The following RP1 variants were observed in gnomAD, a reference collection of about 807,000 sequenced individuals.
The protein encoded by RP1 is RP1 axonemal microtubule associated.
A neutral mutation model predicts 14.8 loss-of-function variants in RP1; 16 were observed. The ratio of observed to expected loss-of-function variants is 1.08; its 90% CI spans 0.73 to 1.65. RP1 has a LOEUF of 1.65. Among genes scored for constraint, RP1 ranks in the 40% most tolerant of loss-of-function variants. RP1 has a pLI of 0.00. For synonymous variants in RP1, 876 were observed against 883.6 expected (o/e 0.99, Z 0.15); for missense variants, 2,631 against 2,535.0 (o/e 1.04, Z -0.81).
chr8:54,710,038 G>C (rs1431157249), intron 15 of RP1, among the ~76,000 whole-genome samples: 1 of 152,154 alleles, frequency 6.6e-6, no homozygotes, highest in East Asian at 1.9e-4. Flanking sequence ...CTGGGATCCA[G>C]GCCCTGACGC....
chr8:54,823,293 T>G (rs1811303531), intron 24 of RP1, among the ~76,000 whole-genome samples: 1 of 152,200 alleles, frequency 6.6e-6, no homozygotes, highest in South Asian at 2.1e-4. Flanking sequence ...ATTGGAATCA[T>G]GTAGCATGTG....
chr8:54,687,538 C>T (rs988855456), intron 12 of RP1, among the ~76,000 whole-genome samples: 1 of 152,114 alleles, frequency 6.6e-6, no homozygotes, highest in African/African-American at 2.4e-5. Flanking sequence ...TCGACTCCCA[C>T]TTATGAGTGA....
intron 7 of RP1, among the ~76,000 whole-genome samples, chr8:54,664,425 G>A (rs779707945): frequency 6.6e-5 from 10 of 152,268 alleles, no homozygotes; most frequent in Admixed American, 3.9e-4. Flanking sequence ...AAGTGGGATT[G>A]AGGGATCATA....
At chr8:54,803,483 C>T (rs1445695067) in intron 24 of RP1, among the ~76,000 whole-genome samples, 7 of 152,026 alleles carry the variant, frequency 4.6e-5, no homozygotes, top group South Asian at 2.1e-4. Flanking sequence ...CTAAGAAAAC[C>T]GAGGGTCCAG....
chr8:54,604,102 C>A (rs1277890090), intron 1 of RP1, among the ~76,000 whole-genome samples: 1 of 152,148 alleles, frequency 6.6e-6, no homozygotes, highest in Non-Finnish European at 1.5e-5. Context: ...GAGAGGGCAT[C>A]CCTGTCTTGT....
At chr8:54,803,892 AC>A (rs1241489144) in intron 24 of RP1, among the ~76,000 whole-genome samples, 2 of 151,896 alleles carry the variant, frequency 1.3e-5, no homozygotes, top group Admixed American at 6.6e-5. Flanking sequence ...ACATGGTGAA[AC>A]CCCGTCTCTA....
intron 24 of RP1, among the ~76,000 whole-genome samples, chr8:54,806,855 A>G (rs1810864701): frequency 6.6e-6 from 1 of 152,214 alleles, no homozygotes; most frequent in South Asian, 2.1e-4. Context: ...CTGAGATAAT[A>G]CCATTGTTAA....
intron 24 of RP1, among the ~76,000 whole-genome samples, chr8:54,812,533 A>G (rs1811023677): frequency 6.6e-6 from 1 of 152,232 alleles, no homozygotes; most frequent in South Asian, 2.1e-4. Flanking sequence ...CAGACATGTC[A>G]TCCTCATGCA....
At chr8:54,665,344 T>A (rs1436816796) in intron 7 of RP1, among the ~76,000 whole-genome samples, 1 of 152,176 alleles carries the variant, frequency 6.6e-6, no homozygotes, top group Non-Finnish European at 1.5e-5. Flanking sequence ...ACCTCACTGA[T>A]CAACTTGGCA....
chr8:54,605,965 C>T, intron 1 of RP1, among the ~76,000 whole-genome samples: 1 of 151,376 alleles, frequency 6.6e-6, no homozygotes, highest in East Asian at 1.9e-4. Flanking sequence ...TTCCTGAATA[C>T]AGCACACTGA....
chr8:54,616,792 T>C (rs1805727067), intron 1 of RP1, among the ~76,000 whole-genome samples: 1 of 152,216 alleles, frequency 6.6e-6, no homozygotes, highest in Non-Finnish European at 1.5e-5. Flanking sequence ...TAAAATATAA[T>C]TAGTGAAATG....
At chr8:54,863,878 C>G (rs1434113401) in intron 27 of RP1, among the ~76,000 whole-genome samples, 6 of 152,196 alleles carry the variant, frequency 3.9e-5, no homozygotes, top group Non-Finnish European at 5.9e-5. Flanking sequence ...TCACTTCTTC[C>G]AATGTCTGTC....
chr8:54,773,638 A>G (rs982123860), downstream of RP1, among the ~76,000 whole-genome samples: 4 of 152,170 alleles, frequency 2.6e-5, no homozygotes, highest in African/African-American at 9.7e-5. Context: ...CCCTGTCTCA[A>G]AAAACTAACT....
chr8:54,678,411 T>G (rs1807346950), intron 8 of RP1: 1 of 1,426,712 alleles, frequency 7.0e-7, no homozygotes, highest in Admixed American at 2.0e-5. Context: ...TGAAGTATTA[T>G]TAGGCCATAT....
intron 13 of RP1, among the ~76,000 whole-genome samples, chr8:54,700,419 C>T (rs981808354): frequency 6.6e-5 from 10 of 151,888 alleles, no homozygotes; most frequent in African/African-American, 2.2e-4. Flanking sequence ...AAAAAACCCA[C>T]CTTGTGTATT....
At chr8:54,728,554 T>C (rs1808714958) in intron 17 of RP1, among the ~76,000 whole-genome samples, 1 of 152,138 alleles carries the variant, frequency 6.6e-6, no homozygotes, top group African/African-American at 2.4e-5. Flanking sequence ...AAAATAAAAC[T>C]GTTCTGTCTT....
intron 12 of RP1, among the ~76,000 whole-genome samples, chr8:54,693,915 T>A (rs1460430559): frequency 6.6e-6 from 1 of 152,160 alleles, no homozygotes; most frequent in Non-Finnish European, 1.5e-5. Context: ...AAGGGAATGC[T>A]TCCAGTTTTT....
chr8:54,739,682 G>A (rs189097766), intron 19 of RP1, among the ~76,000 whole-genome samples: 55 of 150,572 alleles, frequency 3.7e-4, no homozygotes, highest in Middle Eastern at 3.4e-3. Flanking sequence ...TTGCAGACTC[G>A]TGTGCTTTCT....
intron 24 of RP1, among the ~76,000 whole-genome samples, chr8:54,794,807 G>A (rs1391599816): frequency 1.3e-5 from 2 of 151,770 alleles, no homozygotes; most frequent in Non-Finnish European, 3.0e-5. Flanking sequence ...GAAATGAAAT[G>A]GGAATGGGAG....
Sources: gnomAD v4.1 joint callset for allele counts (sites outside exome capture counted in the v4.1 genomes callset) on GRCh38, gnomAD v4.1.1 for gene constraint, MANE v1.5 for transcripts, NCBI Gene and HGNC (gene_info 2026-07-23, HGNC 2026-07-21) for gene names.